The following SMC2 variants were observed in gnomAD, a reference collection of about 807,000 sequenced individuals.
SMC2 encodes the protein structural maintenance of chromosomes 2.
A neutral mutation model predicts 142.6 loss-of-function variants in SMC2; 41 were observed. The observed-to-expected ratio is 0.29, with a 90% CI of 0.22 to 0.37. The LOEUF is 0.37. Ranked by LOEUF, SMC2 falls within the 10% of genes least tolerant of loss-of-function variation. The probability of loss-of-function intolerance (pLI) is 1.00; values close to 1 mark genes in which losing one functional copy is unlikely to be tolerated. For missense variants in SMC2, 1,265 were observed against 1,373.7 expected (o/e 0.92, Z 1.25); for synonymous variants, 463 against 457.5 (o/e 1.01, Z -0.15).
chr9:104,103,195 T>C (rs1250693439), intron 9 of SMC2, among the ~76,000 whole-genome samples: 1 of 151,966 alleles, frequency 6.6e-6, no homozygotes, highest in African/African-American at 2.4e-5. Flanking sequence ...TCAAAAGAGA[T>C]TGAGTAGTGT....
chr9:104,130,946 T>C (rs1325919113), intron 21 of SMC2, among the ~76,000 whole-genome samples: 4 of 151,554 alleles, frequency 2.6e-5, no homozygotes, highest in Admixed American at 1.3e-4. Flanking sequence ...TCTATCTACA[T>C]AAGCAATTAC....
intron 16 of SMC2, among the ~76,000 whole-genome samples, chr9:104,121,247 C>T (rs1272503551): frequency 2.0e-5 from 3 of 152,128 alleles, no homozygotes; most frequent in African/African-American, 7.2e-5. Flanking sequence ...AATCGCAGCA[C>T]TTTGGGAGGC....
intron 9 of SMC2, among the ~76,000 whole-genome samples, chr9:104,111,220 C>G (rs942558857): frequency 3.3e-5 from 5 of 152,054 alleles, no homozygotes. Flanking sequence ...GCTCTTAATT[C>G]TAAAATCTCT....
intron 20 of SMC2, 47 bp downstream of exon 20, chr9:104,127,527 T>C (rs777470683): frequency 7.2e-7 from 1 of 1,389,168 alleles, no homozygotes; most frequent in Admixed American, 2.5e-5. Context: ...TTTTTGTTAC[T>C]GAGCTCTTGA....
chr9:104,135,773 G>T, intron 23 of SMC2: 1 of 506,878 alleles, frequency 2.0e-6, no homozygotes, highest in Admixed American at 2.0e-5. Context: ...CAGAAGTCTG[G>T]AACATCCGTA....
Position 104,113,893 on chromosome 9 carries a change from T to C in SMC2, c.1415-71T>C. The C allele has an allele frequency of 6.8e-6, 6 of 881,100 alleles. No individual in the cohort carries two copies. The South Asian group carries it at 1.2e-4, about 18-fold the overall frequency. 54.6% of individuals were successfully genotyped at this position (881,100 alleles called of 1,614,324 possible). A position where few individuals can be genotyped will look rare whatever the true frequency, so the allele number is the denominator to read the frequency against. On this transcript the variant is annotated intron_variant, in intron 11 of 24. Transcript: ENST00000374793. The stretch of plus-strand genomic sequence containing the variant: ...TGCATGCTTTGGAAATAGTGGTTGC[T>C]AATATTTTCCTTAAAACAGTAGAGT...
upstream of SMC2, among the ~76,000 whole-genome samples, chr9:104,091,773 G>A (rs999880852): frequency 1.2e-4 from 19 of 152,144 alleles, no homozygotes; most frequent in African/African-American, 4.6e-4. Flanking sequence ...ACCCAGGAGA[G>A]AGCAGGTTCC....
At position 104,110,840 on chromosome 9, in the gene SMC2, T is replaced by C. The variant is rs772502497; in HGVS notation, c.1021-741T>C. The stretch of plus-strand genomic sequence containing the variant: ...CCTTCTGTTATTCTTCTTGAAGTAA[T>C]TGTTCCTATCACTCTATTCCCCAAC... On this transcript the variant is annotated intron_variant, in intron 9 of 24. Transcript: ENST00000374793. 4.3e-4 allele frequency among the ~76,000 whole-genome samples: 65 copies of C among 152,224 alleles called. 1 individual carries two copies. Among genetic ancestry groups the C allele is most frequent in the Non-Finnish European group, 2.1e-4 (14 of 68,042 alleles).
chr9:104,096,389 G>C (rs898833089), intron 3 of SMC2, 92 bp downstream of exon 3: 2 of 1,224,878 alleles, frequency 1.6e-6, no homozygotes, highest in Non-Finnish European at 2.3e-6. Context: ...GCTAGAGAAA[G>C]TTCATGAGCA....
chr9:104,093,821 C>G (rs1830158165), upstream of SMC2, among the ~76,000 whole-genome samples: 2 of 41,878 alleles, frequency 4.8e-5, no homozygotes, highest in African/African-American at 1.5e-4. Flanking sequence ...TCTCTGGCCC[C>G]AAGAAGTACA....
intron 9 of SMC2, among the ~76,000 whole-genome samples, chr9:104,107,392 G>C (rs1240569801): frequency 2.0e-5 from 3 of 152,168 alleles, no homozygotes; most frequent in African/African-American, 7.2e-5. Flanking sequence ...TGTTGCCATA[G>C]ACTGCAGTCA....
At chr9:104,094,150 G>C (rs1830182811), upstream of SMC2, 4 of 381,884 alleles carry the variant, frequency 1.0e-5, no homozygotes, top group Non-Finnish European at 1.9e-5. Flanking sequence ...CTGCCGGGGA[G>C]TCCCCGGAGC....
At chr9:104,098,316 T>C in intron 3 of SMC2, 130 bp from the exon 4 acceptor site, 1 of 671,384 alleles carries the variant, frequency 1.5e-6, no homozygotes, top group Non-Finnish European at 2.3e-6. Flanking sequence ...CTTGTTCCAC[T>C]ATTTATGCAG....
At chr9:104,091,878 C>T (rs1829986397), upstream of SMC2, among the ~76,000 whole-genome samples, 1 of 151,958 alleles carries the variant, frequency 6.6e-6, no homozygotes, top group Non-Finnish European at 1.5e-5. Context: ...TGATGCCTTC[C>T]ATATAAGGAC....
At chr9:104,117,987 C>A (rs1382313741) in intron 14 of SMC2, among the ~76,000 whole-genome samples, 184 bp from the exon 15 acceptor site, 1 of 152,030 alleles carries the variant, frequency 6.6e-6, no homozygotes, top group South Asian at 2.1e-4. Context: ...AGTATTTAAA[C>A]CTGCAGTTTT....
In SMC2 at chr9:104,094,482, G is replaced by A. The variant is rs1830215557; in HGVS notation, c.-62+5G>A. ...AGCCCCTGGCCTGAGGCAGCGGTGA[G>A]GCGTGTGCGTGAGCACGGCCGGTTG... is the stretch of plus-strand genomic sequence containing the variant. On this transcript the variant is annotated splice_donor_5th_base_variant and intron_variant, in intron 1 of 24. Transcript: ENST00000374793. 2.5e-6 allele frequency: 1 copy of A among 397,648 alleles called. No individual in the cohort carries two copies. Among genetic ancestry groups the A allele is most frequent in the South Asian group, 1.3e-4 (1 of 7,836 alleles). The allele number at this position is 397,648 out of a possible 1,614,324, so 24.6% of individuals were successfully genotyped here.
intron 3 of SMC2, among the ~76,000 whole-genome samples, chr9:104,097,525 A>G (rs935629561): frequency 1.7e-4 from 22 of 126,154 alleles, no homozygotes; most frequent in Non-Finnish European, 3.2e-4. Context: ...AAAAAAAAAA[A>G]AGAAGCGTAG....
chr9:104,101,018 G>C (rs976299540), intron 7 of SMC2, among the ~76,000 whole-genome samples: 1 of 152,124 alleles, frequency 6.6e-6, no homozygotes, highest in Non-Finnish European at 1.5e-5. Context: ...GCTCACTGCA[G>C]CCTCCACCTC....
upstream of SMC2, chr9:104,092,633 C>T (rs1028916411): frequency 6.6e-6 from 1 of 152,184 alleles, no homozygotes; most frequent in African/African-American, 2.4e-5. Context: ...TAGGTCACTA[C>T]CCATGGTTGA....
Sources: allele counts gnomAD v4.1 joint callset (sites outside exome capture counted in the v4.1 genomes callset), GRCh38; gene constraint gnomAD v4.1.1; transcripts MANE v1.5; gene names NCBI Gene and HGNC (gene_info 2026-07-23, HGNC 2026-07-21).